RPL13: variants seen among roughly 807,000 people sequenced by gnomAD.
RPL13 encodes ribosomal protein L13.
RPL13 carries 1 observed loss-of-function variant against 21.4 expected under a neutral mutation model. The observed-to-expected ratio is 0.05, with a 90% CI of 0.02 to 0.22. The LOEUF (loss-of-function observed/expected upper bound fraction) is 0.22, where lower values mean the gene tolerates loss of function less well. Ranked by LOEUF, RPL13 falls within the 10% of genes least tolerant of loss-of-function variation. RPL13 has a pLI of 1.00. For synonymous variants in RPL13, 143 were observed against 120.5 expected (o/e 1.19, Z -1.23); for missense variants, 289 against 303.0 (o/e 0.95, Z 0.34).
At chr16:89,564,667 A>G (rs1382518744), downstream of RPL13, 1 of 152,234 alleles carries the variant, frequency 6.6e-6, no homozygotes, top group Non-Finnish European at 1.5e-5. Flanking sequence ...AAAAAGTTGT[A>G]CAAGGTGGAT....
At position 89,560,722 on chromosome 16, in the gene RPL13, A is replaced by C. The variant is rs1236601123; in HGVS notation, c.-21+10A>C. On this transcript the variant is annotated intron_variant, in intron 1 of 5. Coordinates refer to ENST00000311528, the MANE Select transcript of RPL13 (RefSeq NM_000977.4). ...TTTTCCTGCGCAGGAGGTGAGGGAG[A>C]CTGGGTCCTGGCCTTTGGGCATCAT... The C allele has an allele frequency of 4.3e-6, 2 of 464,580 alleles. No individual in the cohort carries two copies. Among genetic ancestry groups the C allele is most frequent in the Non-Finnish European group, 7.6e-6 (2 of 263,882 alleles). The allele number at this position is 464,580 out of a possible 1,614,324, so 28.8% of individuals were successfully genotyped here.
Position 89,561,561 on chromosome 16 carries a change from C to G in RPL13, c.247-17C>G, listed in dbSNP as rs372886044. On this transcript the variant is annotated splice_polypyrimidine_tract_variant and intron_variant, in intron 3 of 5. Transcript: ENST00000311528. ...AAAGCCCGGGCCTGTCTCCATCTCT[C>G]TCTGGTTCTGGGGCAGGTGGCCGGC... The G allele has an allele frequency of 2.9e-5, 46 of 1,613,298 alleles. No individual in the cohort carries two copies. The highest frequency in any genetic ancestry group is 3.1e-5 in the Non-Finnish European group (36 of 1,180,052).
Position 89,561,387 on chromosome 16 carries a change from G to A in RPL13, c.246+19G>A, listed in dbSNP as rs1377589438. ...GCTCAGGGTGAGTACTGGCAGCGCTGCGGTGTCAGGAAGGCCCCGAAGTCC... is the reference window on the plus strand; with the variant it reads ...GCTCAGGGTGAGTACTGGCAGCGCTACGGTGTCAGGAAGGCCCCGAAGTCC... On this transcript the variant is annotated intron_variant, in intron 3 of 5. Coordinates refer to ENST00000311528, the MANE Select transcript of RPL13 (RefSeq NM_000977.4). 2 of 1,610,634 alleles carry A rather than the reference G, an allele frequency of 1.2e-6. No homozygotes were observed. Among genetic ancestry groups the A allele is most frequent in the Non-Finnish European group, 8.5e-7 (1 of 1,180,008 alleles).
At chr16:89,565,625 C>T (rs994222551), downstream of RPL13, 1 of 152,544 alleles carries the variant, frequency 6.6e-6, no homozygotes, top group Admixed American at 6.5e-5. Context: ...GAGTGTGGGC[C>T]GTGCCCGAGT....
chr16:89,564,876 T>C (rs2058772772), downstream of RPL13: 1 of 151,686 alleles, frequency 6.6e-6, no homozygotes, highest in Non-Finnish European at 1.5e-5. Context: ...GCACCTGGAG[T>C]AGGTAATGCC....
intron 2 of RPL13, 31 bp from the exon 3 acceptor site, chr16:89,561,196 G>C (rs1287195025): frequency 2.0e-6 from 3 of 1,530,196 alleles, no homozygotes; most frequent in Non-Finnish European, 2.6e-6. Context: ...CCTTAGGCAA[G>C]GGTGACCGCC....
In RPL13 at chr16:89,564,405, T is replaced by C. The variant is rs2058767976; in HGVS notation, c.*1363T>C. On this transcript the variant is annotated 3_prime_UTR_variant, in exon 6 of 6. Transcript: ENST00000311528. Reference sequence around the variant, plus strand: ...TGATCAGTTTGTATGTTTGGGACTCTTGTCCTATGTAAAGTTAAGGTGGGC... The same window carrying C: ...TGATCAGTTTGTATGTTTGGGACTCCTGTCCTATGTAAAGTTAAGGTGGGC... The C allele has an allele frequency of 6.6e-6, 1 of 152,222 alleles. No individual in the cohort carries two copies. Among genetic ancestry groups the C allele is most frequent in the African/African-American group, 2.4e-5 (1 of 41,452 alleles). The allele number at this position is 152,222 out of a possible 1,614,324, so 9.4% of individuals were successfully genotyped here. A position where few individuals can be genotyped will look rare whatever the true frequency, so the allele number is the denominator to read the frequency against.
exon 6 of RPL13, chr16:89,564,541 GAC>G (rs1346013602): frequency 5.9e-5 from 9 of 152,198 alleles, no homozygotes; most frequent in Admixed American, 4.6e-4. Context: ...GCTGAGTGGT[GAC>G]ACACGCCTGT....
chr16:89,562,419 C>T (rs768460799), intron 5 of RPL13, 28 bp downstream of exon 5: 2 of 1,606,078 alleles, frequency 1.2e-6, no homozygotes, highest in African/African-American at 1.3e-5. Flanking sequence ...CAAATCCAGG[C>T]TTCAGACGAG....
In RPL13 at chr16:89,562,368, G is replaced by A. The variant is rs569629794; in HGVS notation, c.454G>A (p.Gly152Arg). ...EELKLATQLT[G>R]PVMPVRNVYK... ...ACTGAAACTGGCCACCCAGCTGACC[G>A]GACCGGTCATGCCCGTCCGGAACGT... The change falls in exon 5 of 6, where the codon GGA (glycine) becomes AGA (arginine). Residue 152 changes from glycine (G) to arginine (R), a missense_variant. Transcript: ENST00000311528. 8.7e-6 allele frequency: 14 copies of A among 1,612,918 alleles called. No individual in the cohort carries two copies. Among genetic ancestry groups the A allele is most frequent in the African/African-American group, 6.7e-5 (5 of 74,978 alleles).
chr16:89,561,211 C>T lies in RPL13; in HGVS notation c.105-16C>T, dbSNP rs768961733. The T allele has an allele frequency of 1.3e-6, 2 of 1,536,958 alleles. No individual in the cohort carries two copies. Among genetic ancestry groups the T allele is most frequent in the South Asian group, 2.4e-5 (2 of 84,306 alleles). On this transcript the variant is annotated splice_polypyrimidine_tract_variant and intron_variant, in intron 2 of 5. Transcript: ENST00000311528. Reference sequence around the variant, plus strand: ...CCTTAGGCAAGGGTGACCGCCGCTGCGCTTCTCTCCACCAGACGTAAGGCC... The same window carrying T: ...CCTTAGGCAAGGGTGACCGCCGCTGTGCTTCTCTCCACCAGACGTAAGGCC...
Position 89,562,401 on chromosome 16 carries a change from C to A in RPL13, c.477+10C>A. On this transcript the variant is annotated intron_variant, in intron 5 of 5. Transcript: ENST00000311528. ...CATGCCCGTCCGGAACGTAAGTGAA[C>A]ACTTACTCAAATCCAGGCTTCAGAC... 6.2e-7 allele frequency: 1 copy of A among 1,609,298 alleles called. No individual in the cohort carries two copies. Among genetic ancestry groups the A allele is most frequent in the East Asian group, 2.2e-5 (1 of 44,748 alleles).
Position 89,563,074 on chromosome 16 carries a change from G to A in RPL13, c.*32G>A. On this transcript the variant is annotated 3_prime_UTR_variant, in exon 6 of 6. Coordinates refer to ENST00000311528, the MANE Select transcript of RPL13 (RefSeq NM_000977.4). ...CCTGGGGACTTGGAATCAGTCGGCA[G>A]TCATGCTGGGTCTCCACGTGGTGTG... The A allele has an allele frequency of 6.8e-7, 1 of 1,466,194 alleles. No homozygotes were observed. The allele number at this position is 1,466,194 out of a possible 1,614,324, so 90.8% of individuals were successfully genotyped here.
intron 3 of RPL13, 35 bp from the exon 4 acceptor site, chr16:89,561,543 G>C (rs1361819284): frequency 1.2e-5 from 19 of 1,613,074 alleles, no homozygotes; most frequent in Admixed American, 1.7e-5. Flanking sequence ...GAGAAAGCCC[G>C]GGCCTGTCTC....
intron 5 of RPL13, 80 bp downstream of exon 5, chr16:89,562,471 G>A: frequency 2.9e-6 from 4 of 1,384,634 alleles, no homozygotes; most frequent in Non-Finnish European, 4.0e-6. Context: ...GCGGGTGATG[G>A]GGGTCAGGCT....
At chr16:89,562,045 A>G (rs1258173936) in intron 4 of RPL13, 1 of 588,174 alleles carries the variant, frequency 1.7e-6, no homozygotes, top group African/African-American at 1.9e-5. Flanking sequence ...GTTGATAAAG[A>G]GTCCATTGTA....
At chr16:89,562,041 A>C in intron 4 of RPL13, 1 of 584,590 alleles carries the variant, frequency 1.7e-6, no homozygotes, top group Non-Finnish European at 3.0e-6. Context: ...TAAGGTTGAT[A>C]AAGAGTCCAT....
rs764522448 is a variant in RPL13 at position 89,561,043 on chromosome 16, G to A, written c.84G>A (p.Gln28=). Residue 28 remains glutamine, a synonymous_variant, in exon 2 of 6, where the codon CAG becomes CAA. Transcript: ENST00000311528. ...GGCGCGTGGCCACGTGGTTCAACCA[G>A]CCGGCCCGTAAGATCCGCAGGTGAG... ...WQRRVATWFN[Q]PARKIRRRKA... is the part of the protein sequence containing the mutation. 3.0e-5 allele frequency: 48 copies of A among 1,606,706 alleles called. No homozygotes were observed. In the African/African-American group the frequency reaches 5.3e-4, roughly 18 times the overall value.
At chr16:89,565,521 T>G (rs998612088), downstream of RPL13, 4 of 152,282 alleles carry the variant, frequency 2.6e-5, no homozygotes, top group African/African-American at 9.7e-5. Context: ...TGCCACCAGA[T>G]GCAAAGGGGC....
Sources: gnomAD v4.1 joint callset for allele counts on GRCh38, gnomAD v4.1.1 for gene constraint, MANE v1.5 for transcripts, NCBI Gene and HGNC (gene_info 2026-07-23, HGNC 2026-07-21) for gene names.